Variants in ST3GAL3 observed in about 807,000 individuals in gnomAD.
ST3GAL3 encodes CMP-N-acetylneuraminate-beta-1,4-galactoside alpha-2,3-sialyltransferase.
A neutral mutation model predicts 50.1 loss-of-function variants in ST3GAL3; 21 were observed. The ratio of observed to expected loss-of-function variants is 0.42; its 90% CI spans 0.30 to 0.60. The LOEUF (loss-of-function observed/expected upper bound fraction) is 0.60. Ranked by LOEUF, ST3GAL3 falls within the 20% of genes least tolerant of loss-of-function variation. The probability of loss-of-function intolerance (pLI) is 0.19; values close to 1 mark genes in which losing one functional copy is unlikely to be tolerated. For missense variants in ST3GAL3, 353 were observed against 489.4 expected (o/e 0.72, Z 2.63); for synonymous variants, 183 against 190.0 (o/e 0.96, Z 0.30).
chr1:43,868,984 C>A (rs1169515125), intron 5 of ST3GAL3, among the ~76,000 whole-genome samples: 2 of 152,182 alleles, frequency 1.3e-5, no homozygotes, highest in Non-Finnish European at 2.9e-5. Flanking sequence ...GAACCCACAG[C>A]CTTGGCCATG....
intron 3 of ST3GAL3, among the ~76,000 whole-genome samples, chr1:43,799,002 A>G (rs2059015825): frequency 6.6e-6 from 1 of 152,246 alleles, no homozygotes; most frequent in South Asian, 2.1e-4. Context: ...ATGATGATGC[A>G]GTTTTACTTT....
intron 3 of ST3GAL3, among the ~76,000 whole-genome samples, chr1:43,813,358 C>T (rs2060792809): frequency 6.6e-6 from 1 of 152,202 alleles, no homozygotes; most frequent in Non-Finnish European, 1.5e-5. Flanking sequence ...GACACTAACT[C>T]TTTGCAAATT....
intron 1 of ST3GAL3, among the ~76,000 whole-genome samples, chr1:43,712,591 A>G (rs373924645): frequency 2.6e-5 from 4 of 152,334 alleles, no homozygotes; most frequent in East Asian, 1.9e-4. Context: ...CATTATAACA[A>G]GGGCTGTGGT....
intron 9 of ST3GAL3, among the ~76,000 whole-genome samples, chr1:43,903,387 C>T (rs2078621566): frequency 6.6e-6 from 1 of 152,192 alleles, no homozygotes; most frequent in Non-Finnish European, 1.5e-5. Context: ...CCCCACTGCG[C>T]CTCAGCAGGC....
intron 5 of ST3GAL3, among the ~76,000 whole-genome samples, chr1:43,869,227 AC>A (rs771673806): frequency 9.9e-5 from 15 of 152,198 alleles, no homozygotes; most frequent in Admixed American, 3.9e-4. Context: ...GAGAGGTTTA[AC>A]TATGAAAAGC....
intron 11 of ST3GAL3, among the ~76,000 whole-genome samples, chr1:43,922,935 A>G (rs1355706866): frequency 6.6e-6 from 1 of 151,648 alleles, no homozygotes; most frequent in Non-Finnish European, 1.5e-5. Flanking sequence ...CCGCATCTCT[A>G]CTAAAAATAC....
In ST3GAL3 at chr1:43,920,676, C is replaced by A. The variant is rs2082880649; in HGVS notation, c.892-106C>A. The A allele has an allele frequency of 2.5e-6, 4 of 1,609,100 alleles. No individual in the cohort carries two copies. The African/African-American group carries it at 5.3e-5, about 22-fold the overall frequency. On this transcript the variant is annotated intron_variant, in intron 10 of 11. Coordinates refer to ENST00000347631, the MANE Select transcript of ST3GAL3 (RefSeq NM_006279.5). ...GCTTTCTGGGGAAGAGGGCTCAGTCCTTGGGCATGGAGGCTAGCTCTAGGG... is the reference window on the plus strand; with the variant it reads ...GCTTTCTGGGGAAGAGGGCTCAGTCATTGGGCATGGAGGCTAGCTCTAGGG...
chr1:43,708,981 G>A (rs903650566), intron 1 of ST3GAL3, among the ~76,000 whole-genome samples: 1 of 152,210 alleles, frequency 6.6e-6, no homozygotes. Flanking sequence ...ACATGACAAT[G>A]ATAACTGTGA....
chr1:43,816,218 A>G lies in ST3GAL3; in HGVS notation c.209+1285A>G, dbSNP rs545099830. ...TTTTCCACAGTTGACTCTGATGACG[A>G]TGGCCACACCTACGTACAAGACATC... is the stretch of plus-strand genomic sequence containing the variant. On this transcript the variant is annotated intron_variant, in intron 4 of 11. Transcript: ENST00000347631. Among the ~76,000 whole-genome samples, 6 of 152,322 alleles carry G rather than the reference A, an allele frequency of 3.9e-5. No individual in the cohort carries two copies. In the South Asian group the frequency reaches 1.2e-3, roughly 32 times the overall value.
At chr1:43,867,669 T>C (rs991950318) in intron 5 of ST3GAL3, among the ~76,000 whole-genome samples, 1 of 152,238 alleles carries the variant, frequency 6.6e-6, no homozygotes, top group African/African-American at 2.4e-5. Flanking sequence ...TTTAAAATAA[T>C]GTGAATACTT....
intron 2 of ST3GAL3, among the ~76,000 whole-genome samples, chr1:43,740,095 G>A (rs1336969831): frequency 6.6e-6 from 1 of 152,102 alleles, no homozygotes; most frequent in Non-Finnish European, 1.5e-5. Flanking sequence ...CGGACACAGT[G>A]GCTCACACCT....
intron 1 of ST3GAL3, among the ~76,000 whole-genome samples, chr1:43,728,743 T>TA (rs958356858): frequency 6.6e-6 from 1 of 152,052 alleles, no homozygotes; most frequent in Non-Finnish European, 1.5e-5. Flanking sequence ...AGAAACTGTT[T>TA]AAAAAAAATT....
intron 2 of ST3GAL3, among the ~76,000 whole-genome samples, chr1:43,759,912 C>T (rs1457766804): frequency 3.3e-5 from 5 of 152,178 alleles, no homozygotes; most frequent in African/African-American, 9.7e-5. Flanking sequence ...AGAAGGATCA[C>T]TTGAGGCCAG....
intron 5 of ST3GAL3, among the ~76,000 whole-genome samples, chr1:43,848,298 T>C (rs969427196): frequency 2.1e-5 from 3 of 142,608 alleles, no homozygotes; most frequent in Non-Finnish European, 4.6e-5. Flanking sequence ...GGTTTTCTTT[T>C]TTTTTTTTTT....
At chr1:43,858,420 AG>A in intron 5 of ST3GAL3, 1 of 966,384 alleles carries the variant, frequency 1.0e-6, no homozygotes, top group Non-Finnish European at 1.3e-6. Context: ...TTAGAAGCAC[AG>A]TCCCTGGTGA....
At position 43,899,420 on chromosome 1, in the gene ST3GAL3, G is replaced by T. The variant is rs1558786257; in HGVS notation, c.558-121G>T. On this transcript the variant is annotated intron_variant, in intron 8 of 11. Coordinates refer to ENST00000347631, the MANE Select transcript of ST3GAL3 (RefSeq NM_006279.5). This position sits in a 1 kb window ranked among gnomAD's most constrained non-coding sequence, Gnocchi z 5.4. ...GCTTTGGAACAGACAACTAGCGGGGGCACCTGGGGAGAATAGGTCCAGGTG... is the reference window on the plus strand; with the variant it reads ...GCTTTGGAACAGACAACTAGCGGGGTCACCTGGGGAGAATAGGTCCAGGTG... 6.4e-6 allele frequency: 10 copies of T among 1,570,794 alleles called. No individual in the cohort carries two copies. In the East Asian group the frequency reaches 2.1e-4, roughly 33 times the overall value.
At chr1:43,920,757 T>C in intron 10 of ST3GAL3, 25 bp from the exon 11 acceptor site, 4 of 1,614,166 alleles carry the variant, frequency 2.5e-6, no homozygotes, top group Non-Finnish European at 2.5e-6. Context: ...GCATGCCTTC[T>C]CTCACCCCTG....
At chr1:43,859,085 G>A (rs2069238526) in intron 5 of ST3GAL3, among the ~76,000 whole-genome samples, 2 of 152,228 alleles carry the variant, frequency 1.3e-5, no homozygotes, top group South Asian at 2.1e-4. Context: ...CCCCCAGAGT[G>A]TGGATGAGAT....
chr1:43,712,501 C>T (rs1267707974), intron 1 of ST3GAL3, among the ~76,000 whole-genome samples: 1 of 152,172 alleles, frequency 6.6e-6, no homozygotes, highest in Admixed American at 6.5e-5. Context: ...GTATGAAGGA[C>T]ATGTCCCTGG....
Sources: gnomAD v4.1 joint callset for allele counts (sites outside exome capture counted in the v4.1 genomes callset) on GRCh38, gnomAD v4.1.1 for gene constraint, Gnocchi (gnomAD v3.1) non-coding constraint, MANE v1.5 for transcripts, NCBI Gene and HGNC (gene_info 2026-07-23, HGNC 2026-07-21) for gene names.